The following PTPRD variants were observed in gnomAD, a reference collection of about 807,000 sequenced individuals.
PTPRD encodes the protein receptor-type tyrosine-protein phosphatase delta.
PTPRD carries 34 observed loss-of-function variants against 214.5 expected under a neutral mutation model. The ratio of observed to expected loss-of-function variants is 0.16; its 90% CI spans 0.12 to 0.21. The LOEUF is 0.21. Among genes scored for constraint, PTPRD ranks in the 10% least tolerant of loss-of-function variants. The pLI, the probability that PTPRD is intolerant of heterozygous loss-of-function variation, is 1.00. For synonymous variants in PTPRD, 1,128 were observed against 845.7 expected (o/e 1.33, Z -5.79); for missense variants, 2,545 against 2,398.7 (o/e 1.06, Z -1.27).
intron 11 of PTPRD, among the ~76,000 whole-genome samples, chr9:8,971,671 C>A (rs190304116): frequency 6.6e-6 from 1 of 151,370 alleles, no homozygotes; most frequent in African/African-American, 2.4e-5. Flanking sequence ...TCCTATCTAA[C>A]GAGATGACAG....
chr9:8,971,328 G>A (rs965168135), intron 11 of PTPRD, among the ~76,000 whole-genome samples: 3 of 151,596 alleles, frequency 2.0e-5, no homozygotes, highest in African/African-American at 7.3e-5. Flanking sequence ...TGAGAAAAAT[G>A]AGAAATTAAA....
intron 9 of PTPRD, among the ~76,000 whole-genome samples, chr9:9,214,186 T>G (rs1261306347): frequency 6.6e-6 from 1 of 152,198 alleles, no homozygotes; most frequent in Non-Finnish European, 1.5e-5. Flanking sequence ...ACATCAGGCC[T>G]GCTCCAGCTG....
At chr9:10,357,668 G>C (rs554918086) in intron 2 of PTPRD, among the ~76,000 whole-genome samples, 1 of 152,172 alleles carries the variant, frequency 6.6e-6, no homozygotes, top group South Asian at 2.1e-4. Flanking sequence ...GTGAAAACAA[G>C]TTTGTTAGAG....
chr9:10,537,620 CT>C (rs1413384167), intron 2 of PTPRD, among the ~76,000 whole-genome samples: 2 of 152,060 alleles, frequency 1.3e-5, no homozygotes, highest in Non-Finnish European at 2.9e-5. Context: ...AAGTTTTGTG[CT>C]TTTCTTTACA....
At chr9:10,544,421 T>C (rs1418662067) in intron 2 of PTPRD, among the ~76,000 whole-genome samples, 1 of 152,076 alleles carries the variant, frequency 6.6e-6, no homozygotes, top group African/African-American at 2.4e-5. Context: ...TGTTGCTTTT[T>C]TCTTAATTCT....
At chr9:9,987,352 G>A (rs140037323) in intron 4 of PTPRD, among the ~76,000 whole-genome samples, 2,507 of 152,240 alleles carry the variant, frequency 0.016, 63 homozygotes, top group African/African-American at 0.056. Flanking sequence ...GCAATTTACA[G>A]AAGAAAGAGG....
intron 12 of PTPRD, among the ~76,000 whole-genome samples, chr9:8,638,796 C>G (rs948567814): frequency 4.6e-5 from 7 of 152,240 alleles, no homozygotes; most frequent in Non-Finnish European, 8.8e-5. Flanking sequence ...TAGATGATTA[C>G]TAGGAGCTGT....
chr9:10,067,492 A>G (rs916271964), intron 3 of PTPRD, among the ~76,000 whole-genome samples: 1 of 151,952 alleles, frequency 6.6e-6, no homozygotes, highest in African/African-American at 2.4e-5. Flanking sequence ...ACAGAAGGAT[A>G]AAAAGCAGTG....
intron 12 of PTPRD, among the ~76,000 whole-genome samples, chr9:8,670,605 C>T (rs548580600): frequency 2.6e-5 from 4 of 152,232 alleles, no homozygotes; most frequent in African/African-American, 4.8e-5. Context: ...CATACTTTCG[C>T]GTTCTAAACT....
intron 11 of PTPRD, among the ~76,000 whole-genome samples, chr9:8,840,890 G>C (rs1390117062): frequency 6.6e-6 from 1 of 152,130 alleles, no homozygotes; most frequent in Admixed American, 6.5e-5. Flanking sequence ...CTTCTACAGT[G>C]CATGTAACGA....
At chr9:9,895,544 C>G (rs1448955385) in intron 5 of PTPRD, among the ~76,000 whole-genome samples, 1 of 151,894 alleles carries the variant, frequency 6.6e-6, no homozygotes, top group East Asian at 1.9e-4. Context: ...AAGTTTATCT[C>G]ATAGAAGTAG....
At chr9:8,857,407 C>G (rs895817171) in intron 11 of PTPRD, among the ~76,000 whole-genome samples, 4 of 152,152 alleles carry the variant, frequency 2.6e-5, no homozygotes, top group African/African-American at 7.2e-5. Flanking sequence ...GCCTCTCTCC[C>G]GGGTCTGAGG....
chr9:9,754,428 G>A (rs949212518), intron 6 of PTPRD, among the ~76,000 whole-genome samples: 16 of 152,078 alleles, frequency 1.1e-4, no homozygotes, highest in African/African-American at 3.4e-4. Flanking sequence ...TCACTGACTC[G>A]GTGACCCTCT....
intron 26 of PTPRD, among the ~76,000 whole-genome samples, chr9:8,496,455 A>C (rs1020948645): frequency 6.6e-6 from 1 of 152,174 alleles, no homozygotes; most frequent in African/African-American, 2.4e-5. Flanking sequence ...AAACACTAGA[A>C]AGGCAGGTGT....
intron 11 of PTPRD, among the ~76,000 whole-genome samples, chr9:8,842,406 A>C (rs2097576265): frequency 6.6e-6 from 1 of 152,196 alleles, no homozygotes. Flanking sequence ...ATAGATGAAT[A>C]AAAGTTAGGG....
rs1237455729 is a variant in PTPRD, at chr9:9,090,763, G to C, written c.-142-72028C>G. The C allele has an allele frequency of 3.5e-5, 22 of 637,522 alleles. No homozygotes were observed. The East Asian group carries it at 5.7e-4, about 17-fold the overall frequency. The allele number at this position is 637,522 out of a possible 1,614,324, so 39.5% of individuals were successfully genotyped here. The stretch of plus-strand genomic sequence containing the variant: ...TTACTCAAAACATCAGTGATTTCAA[G>C]TTGCATCCTCTTTAGCTGAGTTGCT... On this transcript the variant is annotated intron_variant, in intron 10 of 45. Coordinates refer to ENST00000381196, the MANE Select transcript of PTPRD (RefSeq NM_002839.4).
chr9:8,694,066 T>C (rs1365752554), intron 12 of PTPRD, among the ~76,000 whole-genome samples: 1 of 152,200 alleles, frequency 6.6e-6, no homozygotes, highest in Non-Finnish European at 1.5e-5. Flanking sequence ...TTGTAAATAA[T>C]CAGGTAAATC....
At chr9:9,392,423 G>C (rs1291832167) in intron 9 of PTPRD, among the ~76,000 whole-genome samples, 1 of 152,096 alleles carries the variant, frequency 6.6e-6, no homozygotes, top group Admixed American at 6.5e-5. Context: ...GCATATTTGG[G>C]TTTGGTCTTG....
chr9:9,863,852 C>G (rs916509450), intron 5 of PTPRD, among the ~76,000 whole-genome samples: 1 of 149,638 alleles, frequency 6.7e-6, no homozygotes, highest in African/African-American at 2.5e-5. Context: ...AAAAAAAAAG[C>G]AGTACAAAGA....
Sources: gnomAD v4.1 joint callset for allele counts (sites outside exome capture counted in the v4.1 genomes callset) on GRCh38, gnomAD v4.1.1 for gene constraint, MANE v1.5 for transcripts, NCBI Gene and HGNC (gene_info 2026-07-23, HGNC 2026-07-21) for gene names.